Variants in LEMD3 observed in about 807,000 individuals in gnomAD.
The protein encoded by LEMD3 is LEM domain containing 3.
LEMD3 carries 33 observed loss-of-function variants against 95.2 expected under a neutral mutation model. The observed-to-expected ratio is 0.35, with a 90% CI of 0.26 to 0.46. The LOEUF (loss-of-function observed/expected upper bound fraction) is 0.46, where lower values mean the gene tolerates loss of function less well. LEMD3 is among the 20% of genes least tolerant of loss of function. The pLI is 1.00. For missense variants in LEMD3, 1,210 were observed against 1,192.8 expected (o/e 1.01, Z -0.21); for synonymous variants, 525 against 474.6 (o/e 1.11, Z -1.38).
At chr12:65,193,300 G>A (rs1208300220) in intron 1 of LEMD3, among the ~76,000 whole-genome samples, 1 of 152,160 alleles carries the variant, frequency 6.6e-6, no homozygotes, top group Non-Finnish European at 1.5e-5. Flanking sequence ...GATTAAGTGT[G>A]CGGTTTGACC....
intron 1 of LEMD3, among the ~76,000 whole-genome samples, chr12:65,203,131 A>C (rs745995620): frequency 6.6e-6 from 1 of 152,114 alleles, no homozygotes. Flanking sequence ...AAGCTTATAA[A>C]TGATATTAGG....
At chr12:65,225,882 G>A (rs998846166) in intron 4 of LEMD3, among the ~76,000 whole-genome samples, 10 of 152,100 alleles carry the variant, frequency 6.6e-5, no homozygotes, top group Admixed American at 5.9e-4. Flanking sequence ...TCCTGGCCCA[G>A]CTCTTTTTTC....
intron 4 of LEMD3, among the ~76,000 whole-genome samples, chr12:65,224,151 C>T (rs1007710971): frequency 6.6e-6 from 1 of 152,108 alleles, no homozygotes; most frequent in African/African-American, 2.4e-5. Context: ...ACCACCATTA[C>T]AGTGTTACAG....
chr12:65,223,886 C>T (rs780944676), intron 4 of LEMD3, among the ~76,000 whole-genome samples: 22 of 124,002 alleles, frequency 1.8e-4, no homozygotes, highest in Admixed American at 9.1e-4. Flanking sequence ...TTTTCTTTTA[C>T]GTGTGTTTTT....
intron 4 of LEMD3, among the ~76,000 whole-genome samples, chr12:65,234,814 T>C (rs938709469): frequency 2.0e-5 from 3 of 152,226 alleles, no homozygotes; most frequent in African/African-American, 7.2e-5. Flanking sequence ...AACCATTGTG[T>C]ACATTTTTTA....
At chr12:65,177,250 C>T (rs1457582754) in intron 1 of LEMD3, among the ~76,000 whole-genome samples, 2 of 152,048 alleles carry the variant, frequency 1.3e-5, no homozygotes, top group Non-Finnish European at 2.9e-5. Flanking sequence ...ATGGTTTAGA[C>T]AGTGATAGGG....
At chr12:65,171,598 G>C (rs574290079) in intron 1 of LEMD3, 1 of 190,926 alleles carries the variant, frequency 5.2e-6, no homozygotes, top group African/African-American at 2.4e-5. Context: ...TAAATATTTT[G>C]TGGTATTAAC....
intron 4 of LEMD3, among the ~76,000 whole-genome samples, chr12:65,236,409 G>A (rs979697873): frequency 6.6e-6 from 1 of 152,124 alleles, no homozygotes; most frequent in Non-Finnish European, 1.5e-5. Flanking sequence ...TTAGCTGGGT[G>A]TGGTGGCACA....
intron 8 of LEMD3, 108 bp downstream of exon 8, chr12:65,240,346 C>A: frequency 1.2e-6 from 1 of 833,436 alleles, no homozygotes; most frequent in Non-Finnish European, 2.0e-6. Context: ...GACTTGCTTA[C>A]TGCACAGGTT....
chr12:65,241,594 T>C (rs17101177), intron 9 of LEMD3, among the ~76,000 whole-genome samples: 43,666 of 151,958 alleles, frequency 0.29, 6,394 homozygotes, highest in Admixed American at 0.36. Flanking sequence ...GCCTACATAG[T>C]TTCAAAAACA....
At chr12:65,191,874 G>A (rs76390915) in intron 1 of LEMD3, among the ~76,000 whole-genome samples, 7 of 127,174 alleles carry the variant, frequency 5.5e-5, no homozygotes, top group African/African-American at 1.8e-4. Context: ...GTAGTGAACC[G>A]AAATCGCACC....
chr12:65,220,297 A>G (rs574072844), intron 4 of LEMD3, among the ~76,000 whole-genome samples: 2 of 152,326 alleles, frequency 1.3e-5, no homozygotes, highest in Non-Finnish European at 2.9e-5. Context: ...ATATACATAT[A>G]CATCTGTGTG....
intron 4 of LEMD3, among the ~76,000 whole-genome samples, chr12:65,234,212 G>A (rs1005882189): frequency 6.6e-6 from 1 of 152,150 alleles, no homozygotes; most frequent in Non-Finnish European, 1.5e-5. Flanking sequence ...TTTTACAACA[G>A]TTTTAAAGCT....
intron 1 of LEMD3, chr12:65,171,326 G>A (rs1431678906): frequency 6.5e-6 from 5 of 763,784 alleles, no homozygotes; most frequent in Non-Finnish European, 1.0e-5. Context: ...TTTTCTGCAT[G>A]ATGTATTGTG....
In LEMD3 at chr12:65,224,614, T is replaced by C. The variant is rs151127236; in HGVS notation, c.1695+5995T>C. On this transcript the variant is annotated intron_variant, in intron 4 of 12. Coordinates refer to ENST00000308330, the MANE Select transcript of LEMD3 (RefSeq NM_014319.5). ...CTGCTTTGTAAAGTATTTTGGGGAC[T>C]CCCTTGTATGTGATGAGTAGCTTGC... is the stretch of plus-strand genomic sequence containing the variant. Among the ~76,000 whole-genome samples the C allele has an allele frequency of 5.4e-3, 821 of 152,236 alleles. 6 individuals are homozygous for C. Among genetic ancestry groups the C allele is most frequent in the Non-Finnish European group, 6.1e-3 (413 of 68,018 alleles).
At chr12:65,232,921 A>G (rs1870671828) in intron 4 of LEMD3, among the ~76,000 whole-genome samples, 1 of 152,190 alleles carries the variant, frequency 6.6e-6, no homozygotes, top group Non-Finnish European at 1.5e-5. Flanking sequence ...CAAATGTGTC[A>G]AATTATGGGG....
chr12:65,218,323 A>AATGT (rs1870171734), intron 3 of LEMD3, among the ~76,000 whole-genome samples: 1 of 152,164 alleles, frequency 6.6e-6, no homozygotes, highest in African/African-American at 2.4e-5. Flanking sequence ...AGTTGTGGTT[A>AATGT]ATGTAATGGT....
chr12:65,234,017 A>G (rs1343595302), intron 4 of LEMD3, among the ~76,000 whole-genome samples: 1 of 152,202 alleles, frequency 6.6e-6, no homozygotes, highest in Non-Finnish European at 1.5e-5. Context: ...AGTAAATAGT[A>G]ATAAACAATA....
chr12:65,179,711 C>A (rs1205562185), intron 1 of LEMD3, among the ~76,000 whole-genome samples: 1 of 152,108 alleles, frequency 6.6e-6, no homozygotes, highest in Admixed American at 6.5e-5. Flanking sequence ...ACTGCCATGG[C>A]ACGCGTTTAC....
Sources: gnomAD v4.1 joint callset for allele counts (sites outside exome capture counted in the v4.1 genomes callset) on GRCh38, gnomAD v4.1.1 for gene constraint, MANE v1.5 for transcripts, NCBI Gene and HGNC (gene_info 2026-07-23, HGNC 2026-07-21) for gene names.